SLC35E2B: variants seen among roughly 807,000 people sequenced by gnomAD.
SLC35E2B encodes solute carrier family 35 member E2B, also known as solute carrier family 35, member E2B.
A neutral mutation model predicts 32.4 loss-of-function variants in SLC35E2B; 18 were observed. The ratio of observed to expected loss-of-function variants is 0.56; its 90% CI spans 0.38 to 0.82. The LOEUF (loss-of-function observed/expected upper bound fraction) is 0.82. SLC35E2B is among the 40% of genes least tolerant of loss of function. The probability of loss-of-function intolerance (pLI) is 0.00; values close to 1 mark genes in which losing one functional copy is unlikely to be tolerated. For synonymous variants in SLC35E2B, 132 were observed against 209.1 expected (o/e 0.63, Z 3.18); for missense variants, 263 against 469.5 (o/e 0.56, Z 4.06).
At chr1:1,685,039 G>A (rs1643934638) in intron 2 of SLC35E2B, among the ~76,000 whole-genome samples, 1 of 148,670 alleles carries the variant, frequency 6.7e-6, no homozygotes, top group Admixed American at 6.7e-5. Context: ...CCTGGGAGGT[G>A]GAGGTTGCAG....
chr1:1,671,651 T>C (rs1264419915), intron 5 of SLC35E2B, 22 bp from the exon 6 acceptor site: 1 of 1,508,678 alleles, frequency 6.6e-7, no homozygotes. Flanking sequence ...ACAGCCCCTG[T>C]GAGTGGCTGA....
chr1:1,669,202 C>G (rs1270027331), intron 8 of SLC35E2B, among the ~76,000 whole-genome samples: 11 of 151,634 alleles, frequency 7.3e-5, no homozygotes, highest in African/African-American at 2.7e-4. Context: ...AGAGAACCCT[C>G]TGTGTGGGGG....
rs1008365104 is a variant in SLC35E2B at position 1,665,266 on chromosome 1, C to T, written c.*516G>A. ...GTGGGGAGAAGTTCTGAGTGCCCAC[C>T]GTGGCAGCAGGAGACCCTTCCTTCC... On this transcript the variant is annotated 3_prime_UTR_variant, in exon 10 of 10. Transcript: ENST00000617444. 8 of 258,402 alleles carry T rather than the reference C, an allele frequency of 3.1e-5. No homozygotes were observed. Among genetic ancestry groups the T allele is most frequent in the Admixed American group, 1.1e-4 (2 of 18,776 alleles). The allele number at this position is 258,402 out of a possible 1,614,324, so 16.0% of individuals were successfully genotyped here.
At chr1:1,668,108 C>T (rs12725286) in intron 9 of SLC35E2B, among the ~76,000 whole-genome samples, 97,082 of 151,506 alleles carry the variant, frequency 0.64, 31,905 homozygotes, top group Admixed American at 0.72. Context: ...TTGCCTTGTC[C>T]TCTCAAGTGC....
rs1644007361 is a variant in SLC35E2B at position 1,690,550 on chromosome 1, C to T, written c.-148+426G>A. Among the ~76,000 whole-genome samples, 2 of 136,186 alleles carry T rather than the reference C, an allele frequency of 1.5e-5. 1 individual carries two copies. Among genetic ancestry groups the T allele is most frequent in the Non-Finnish European group, 3.2e-5 (2 of 63,164 alleles). The allele number at this position is 136,186 out of a possible 152,430, so 89.3% of individuals were successfully genotyped here. Reference sequence around the variant, plus strand: ...GGTCAGGAGTTCGAGACCAGCCTGGCCAACATGATGAAACTCCGTCTCTAC... The same window carrying T: ...GGTCAGGAGTTCGAGACCAGCCTGGTCAACATGATGAAACTCCGTCTCTAC... On this transcript the variant is annotated intron_variant, in intron 2 of 9. Transcript: ENST00000617444.
Position 1,689,916 on chromosome 1 carries a change from C to T in SLC35E2B, c.-148+1060G>A, listed in dbSNP as rs187570769. On this transcript the variant is annotated intron_variant, in intron 2 of 9. Coordinates refer to ENST00000617444, the MANE Select transcript of SLC35E2B (RefSeq NM_001290264.2). ...GCAGGAGAATTGCTTGAACCCAGGA[C>T]GGGGAGGTTGCAGTGAGCCCAGACT... is the stretch of plus-strand genomic sequence containing the variant. 9.3e-3 allele frequency among the ~76,000 whole-genome samples: 1,363 copies of T among 147,092 alleles called. 29 individuals are homozygous for T. The highest frequency in any genetic ancestry group is 0.032 in the African/African-American group (1,281 of 39,982).
At chr1:1,684,789 CAAAAA>C (rs1175219653) in intron 2 of SLC35E2B, among the ~76,000 whole-genome samples, 3 of 23,738 alleles carry the variant, frequency 1.3e-4, no homozygotes, top group African/African-American at 1.8e-4. Context: ...GACTCCATCT[CAAAAA>C]AAAAAAAAAA....
At chr1:1,671,760 G>A in intron 5 of SLC35E2B, 131 bp from the exon 6 acceptor site, 1 of 1,002,278 alleles carries the variant, frequency 1.0e-6, no homozygotes, top group Non-Finnish European at 1.4e-6. Flanking sequence ...ATACTTGTCA[G>A]TTTCTTCACA....
intron 2 of SLC35E2B, among the ~76,000 whole-genome samples, chr1:1,685,981 G>A (rs188299604): frequency 2.6e-5 from 4 of 151,528 alleles, no homozygotes; most frequent in African/African-American, 9.7e-5. Flanking sequence ...ACAGGCACCC[G>A]CCACCACGCC....
chr1:1,690,235 G>C (rs112675270), intron 2 of SLC35E2B, among the ~76,000 whole-genome samples: 1 of 145,502 alleles, frequency 6.9e-6, no homozygotes, highest in Non-Finnish European at 1.5e-5. Context: ...AGCCAAGATC[G>C]CGCCATTGCA....
Position 1,665,189 on chromosome 1 carries a change from A to G in SLC35E2B, c.*593T>C. ...GAGTGCCGTGCAATGCTGCAGCTTG[A>G]GGCTTGCGATGCCTCTGGGATAGTC... is the stretch of plus-strand genomic sequence containing the variant. On this transcript the variant is annotated 3_prime_UTR_variant, in exon 10 of 10. Coordinates refer to ENST00000617444, the MANE Select transcript of SLC35E2B (RefSeq NM_001290264.2). 5.8e-6 allele frequency: 1 copy of G among 172,232 alleles called. No homozygotes were observed. Among genetic ancestry groups the G allele is most frequent in the Non-Finnish European group, 1.2e-5 (1 of 82,392 alleles). 10.7% of individuals were successfully genotyped at this position (172,232 alleles called of 1,614,324 possible).
chr1:1,675,416 C>G, intron 5 of SLC35E2B, 47 bp downstream of exon 5: 1 of 1,601,356 alleles, frequency 6.2e-7, no homozygotes, highest in Non-Finnish European at 8.5e-7. Context: ...GGATGGAGGC[C>G]TGGGATGGTG....
intron 5 of SLC35E2B, chr1:1,672,733 G>GGA: frequency 6.6e-6 from 1 of 152,364 alleles, no homozygotes; most frequent in Non-Finnish European, 1.5e-5. Flanking sequence ...TCCAGCCCCA[G>GGA]GAGACTGCTC....
intron 9 of SLC35E2B, among the ~76,000 whole-genome samples, chr1:1,666,708 G>C (rs1353576177): frequency 6.6e-6 from 1 of 151,570 alleles, no homozygotes; most frequent in Non-Finnish European, 1.5e-5. Context: ...GGGTGTGGGG[G>C]CTCATGCTTG....
Position 1,663,399 on chromosome 1 carries a change from AAGGCCACCCT to A in SLC35E2B, c.*2373_*2382del, listed in dbSNP as rs1324164510. 1 of 872,488 alleles carries A rather than the reference AAGGCCACCCT, an allele frequency of 1.1e-6. No homozygotes were observed. The highest frequency in any genetic ancestry group is 1.3e-6 in the Non-Finnish European group (1 of 742,996). The allele number at this position is 872,488 out of a possible 1,614,324, so 54.0% of individuals were successfully genotyped here. ...CCACATTCTCGACGGGGAGGTGGAC[AAGGCCACCCT>A]GGGAGTTGCTTTCAATCTGTCCTCA... On this transcript the variant is annotated 3_prime_UTR_variant, in exon 10 of 10. Coordinates refer to ENST00000617444, the MANE Select transcript of SLC35E2B (RefSeq NM_001290264.2).
At chr1:1,687,234 C>A (rs1305032019) in intron 2 of SLC35E2B, among the ~76,000 whole-genome samples, 1 of 152,152 alleles carries the variant, frequency 6.6e-6, no homozygotes. Flanking sequence ...GACAGTCACA[C>A]CTGCACAGCG....
chr1:1,687,335 G>C (rs1643964316), intron 2 of SLC35E2B, among the ~76,000 whole-genome samples: 3 of 152,146 alleles, frequency 2.0e-5, no homozygotes, highest in African/African-American at 7.2e-5. Context: ...CTAGCACTTT[G>C]GGAGGCTGAG....
chr1:1,684,601 C>T (rs2101115600), intron 2 of SLC35E2B, among the ~76,000 whole-genome samples: 1 of 152,014 alleles, frequency 6.6e-6, no homozygotes, highest in South Asian at 2.1e-4. Context: ...ACCATCCTGG[C>T]CTACATGGTG....
intron 2 of SLC35E2B, among the ~76,000 whole-genome samples, chr1:1,679,159 A>C (rs182615176): frequency 6.6e-6 from 1 of 152,182 alleles, no homozygotes. Context: ...ATTCATTTAC[A>C]TGGCAAGGAG....
Sources: gnomAD v4.1 joint callset for allele counts (sites outside exome capture counted in the v4.1 genomes callset) on GRCh38, gnomAD v4.1.1 for gene constraint, MANE v1.5 for transcripts, NCBI Gene and HGNC (gene_info 2026-07-23, HGNC 2026-07-21) for gene names.